STX6: variants seen among roughly 807,000 people sequenced by gnomAD.
STX6 encodes the protein syntaxin 6, also known as syntaxin-6.
A neutral mutation model predicts 38.0 loss-of-function variants in STX6; 23 were observed. That is an observed-to-expected ratio of 0.60 (90% confidence interval 0.43 to 0.86). The LOEUF is 0.86. Among genes scored for constraint, STX6 ranks in the 40% least tolerant of loss-of-function variants. The pLI is 0.00. For missense variants in STX6, 274 were observed against 312.9 expected (o/e 0.88, Z 0.94); for synonymous variants, 123 against 107.5 (o/e 1.14, Z -0.89).
intron 3 of STX6, among the ~76,000 whole-genome samples, chr1:180,995,142 T>C (rs1051114647): frequency 1.3e-5 from 2 of 152,056 alleles, no homozygotes; most frequent in African/African-American, 2.4e-5. Context: ...TTCCTATTTT[T>C]AGTAGAGACA....
intron 7 of STX6, among the ~76,000 whole-genome samples, chr1:180,978,133 T>G (rs891672443): frequency 6.6e-6 from 1 of 152,218 alleles, no homozygotes; most frequent in Admixed American, 6.5e-5. Context: ...CTCATCTGAT[T>G]AAAAATGTTA....
intron 7 of STX6, among the ~76,000 whole-genome samples, chr1:180,981,366 T>C (rs1202088612): frequency 6.6e-6 from 1 of 152,226 alleles, no homozygotes; most frequent in Non-Finnish European, 1.5e-5. Context: ...TTTAAAAAGA[T>C]TAAAATGCTT....
chr1:180,998,199 T>C (rs1655968845), intron 3 of STX6, among the ~76,000 whole-genome samples: 1 of 152,212 alleles, frequency 6.6e-6, no homozygotes, highest in Non-Finnish European at 1.5e-5. Context: ...TAATTAAATG[T>C]GTATTCTAAA....
At chr1:181,008,766 T>C (rs1025171918) in intron 1 of STX6, among the ~76,000 whole-genome samples, 1 of 145,792 alleles carries the variant, frequency 6.9e-6, no homozygotes, top group Non-Finnish European at 1.5e-5. Context: ...AAGGCTCTAA[T>C]TTTATCACTG....
chr1:180,994,219 G>A (rs1358159802), intron 3 of STX6, among the ~76,000 whole-genome samples: 1 of 152,190 alleles, frequency 6.6e-6, no homozygotes, highest in Non-Finnish European at 1.5e-5. Flanking sequence ...TTAAAAGGTC[G>A]TCAAAATATA....
rs994234251 is a variant in STX6, at chr1:180,994,650, A to G, written c.301-1225T>C. On this transcript the variant is annotated intron_variant, in intron 3 of 7. Coordinates refer to ENST00000258301, the MANE Select transcript of STX6 (RefSeq NM_005819.6). ...GATTTCATGAAGACAAAGAATAGAT[A>G]GGTGGTTACCTGAGGCCAGAAGAGT... Among the ~76,000 whole-genome samples, 4 of 152,238 alleles carry G rather than the reference A, an allele frequency of 2.6e-5. No individual in the cohort carries two copies. In the East Asian group the frequency reaches 7.7e-4, roughly 29 times the overall value.
At position 180,976,500 on chromosome 1, in the gene STX6, A is replaced by G; in HGVS notation, c.*70T>C. 1 of 1,339,476 alleles carries G rather than the reference A, an allele frequency of 7.5e-7. No individual in the cohort carries two copies. Among genetic ancestry groups the G allele is most frequent in the Non-Finnish European group, 1.1e-6 (1 of 932,884 alleles). 83.0% of individuals were successfully genotyped at this position (1,339,476 alleles called of 1,614,324 possible). On this transcript the variant is annotated 3_prime_UTR_variant, in exon 8 of 8. Transcript: ENST00000258301. ...AGGAATGTGAGTAGACGGCAATGTC[A>G]CACGTGCTCAGCTTCTCCTCCTCCC...
Position 181,001,548 on chromosome 1 carries a change from G to A in STX6, c.300+1058C>T, listed in dbSNP as rs550791575. On this transcript the variant is annotated intron_variant, in intron 3 of 7. Transcript: ENST00000258301. ...TGTTTGCTCTGGATAACTCTGGAAC[G>A]GCTGTCAAGTAGTTACATATGGAAA... Among the ~76,000 whole-genome samples the A allele has an allele frequency of 7.9e-5, 12 of 152,222 alleles. No individual in the cohort carries two copies. The East Asian group carries it at 9.6e-4, about 12-fold the overall frequency.
chr1:181,020,740 C>G (rs1656701208), intron 1 of STX6, among the ~76,000 whole-genome samples: 1 of 152,236 alleles, frequency 6.6e-6, no homozygotes, highest in Non-Finnish European at 1.5e-5. Flanking sequence ...GTAGCATTCA[C>G]TTCAACACTC....
intron 3 of STX6, among the ~76,000 whole-genome samples, chr1:180,994,341 G>A (rs906358443): frequency 5.3e-5 from 8 of 152,220 alleles, no homozygotes; most frequent in Non-Finnish European, 7.3e-5. Flanking sequence ...TGTGGTAAAT[G>A]TGAGTGAGAA....
chr1:181,009,582 ATCT>A (rs1656335441), intron 1 of STX6, among the ~76,000 whole-genome samples: 1 of 152,230 alleles, frequency 6.6e-6, no homozygotes, highest in African/African-American at 2.4e-5. Context: ...TGCAAATTAA[ATCT>A]TCAATTACAT....
At position 181,009,470 on chromosome 1, in the gene STX6, C is replaced by CAA. The variant is rs34469966; in HGVS notation, c.36-4009_36-4008dup. On this transcript the variant is annotated intron_variant, in intron 1 of 7. Coordinates refer to ENST00000258301, the MANE Select transcript of STX6 (RefSeq NM_005819.6). The stretch of plus-strand genomic sequence containing the variant: ...GGTGACAGAGCAAGACTGTTGTTTC[C>CAA]AAAAAAAAAAAAAAAAAAGCAAAAG... Among the ~76,000 whole-genome samples, 251 of 105,368 alleles carry CAA rather than the reference C, an allele frequency of 2.4e-3. No individual in the cohort carries two copies. The South Asian group carries it at 0.025, about 10-fold the overall frequency. 69.1% of individuals were successfully genotyped at this position (105,368 alleles called of 152,430 possible).
intron 3 of STX6, among the ~76,000 whole-genome samples, chr1:181,000,683 T>C (rs1558094252): frequency 6.6e-6 from 1 of 152,186 alleles, no homozygotes; most frequent in Admixed American, 6.5e-5. Flanking sequence ...AAATGAACTT[T>C]GGATTCTTCT....
At chr1:180,976,713 G>C in intron 7 of STX6, 67 bp from the exon 8 acceptor site, 2 of 1,466,276 alleles carry the variant, frequency 1.4e-6, no homozygotes, top group Non-Finnish European at 1.9e-6. Flanking sequence ...CAGTTATATG[G>C]AATTTATGGC....
intron 2 of STX6, among the ~76,000 whole-genome samples, chr1:181,004,521 A>G (rs917250835): frequency 2.0e-5 from 3 of 152,182 alleles, no homozygotes; most frequent in Non-Finnish European, 2.9e-5. Flanking sequence ...ACAAACACCA[A>G]AAGGACAGAG....
chr1:181,021,183 T>A (rs1571360542), intron 1 of STX6, among the ~76,000 whole-genome samples: 1 of 152,154 alleles, frequency 6.6e-6, no homozygotes, highest in South Asian at 2.1e-4. Context: ...AAACAAAAAA[T>A]TTCTGATCAT....
intron 1 of STX6, among the ~76,000 whole-genome samples, chr1:181,007,097 T>C (rs927964973): frequency 2.0e-5 from 3 of 152,204 alleles, no homozygotes; most frequent in Non-Finnish European, 4.4e-5. Flanking sequence ...TATCATTCCT[T>C]AATGCAAAGT....
Position 181,002,680 on chromosome 1 carries a change from T to C in STX6, c.226A>G (p.Arg76Gly). The change falls in exon 3 of 8, where the codon AGA becomes GGA. Residue 76 changes from arginine (R) to glycine (G), a missense_variant. Coordinates refer to ENST00000258301, the MANE Select transcript of STX6 (RefSeq NM_005819.6). ...ETISIVEANP[R>G]KFNLDATELS... Reference sequence around the variant, plus strand: ...TCAGTTGCATCAAGGTTAAATTTTCTAGGATTTGCTTCAACTATGCGTAGG... The same window carrying C: ...TCAGTTGCATCAAGGTTAAATTTTCCAGGATTTGCTTCAACTATGCGTAGG... 1.2e-6 allele frequency: 2 copies of C among 1,613,460 alleles called. No homozygotes were observed. Among genetic ancestry groups the C allele is most frequent in the African/African-American group, 1.3e-5 (1 of 75,026 alleles).
At chr1:180,990,397 G>A (rs1056279223) in intron 4 of STX6, among the ~76,000 whole-genome samples, 1 of 152,164 alleles carries the variant, frequency 6.6e-6, no homozygotes, top group African/African-American at 2.4e-5. Flanking sequence ...TCTATATACT[G>A]TGTTATAATT....
Sources: gnomAD v4.1 joint callset for allele counts (sites outside exome capture counted in the v4.1 genomes callset) on GRCh38, gnomAD v4.1.1 for gene constraint, MANE v1.5 for transcripts, NCBI Gene and HGNC (gene_info 2026-07-23, HGNC 2026-07-21) for gene names.